HOXA13: variants seen among roughly 807,000 people sequenced by gnomAD.
HOXA13 encodes homeobox A13.
HOXA13 carries 5 observed loss-of-function variants against 25.7 expected under a neutral mutation model. The observed-to-expected ratio is 0.19, with a 90% CI of 0.10 to 0.41. HOXA13 has a LOEUF of 0.41. HOXA13 is among the 10% of genes least tolerant of loss of function. The probability of loss-of-function intolerance (pLI) is 1.00; values close to 1 mark genes in which losing one functional copy is unlikely to be tolerated. For missense variants in HOXA13, 557 were observed against 533.5 expected, an observed-to-expected ratio of 1.04 and a Z score of -0.43; for synonymous variants, 284 against 241.1, an observed-to-expected ratio of 1.18 and a Z score of -1.65.
In HOXA13 at chr7:27,199,333, A is replaced by G; in HGVS notation, c.745T>C (p.Tyr249His). Residue 249 changes from tyrosine to histidine, a missense_variant, in exon 1 of 2, where the codon TAC becomes CAC. Transcript: ENST00000649031. ...PYHHHQPMPG[Y>H]LDMPVVPGLG... The stretch of plus-strand genomic sequence containing the variant: ...CCCGGCACCACTGGCATATCCAGGT[A>G]GCCAGGCATGGGCTGATGGTGGTGG... 1 of 1,614,106 alleles carries G rather than the reference A, an allele frequency of 6.2e-7. No homozygotes were observed. Among genetic ancestry groups the G allele is most frequent in the Non-Finnish European group, 8.5e-7 (1 of 1,179,996 alleles).
Position 27,196,421 on chromosome 7 carries a change from T to C in HOXA13, c.*1777A>G, listed in dbSNP as rs1784004583. ...ATCCAGCTAAGGCCAATTCATGAGC[T>C]GTCAAAAGTCAAGGTCACAAATTGT... is the stretch of plus-strand genomic sequence containing the variant. On this transcript the variant is annotated 3_prime_UTR_variant, in exon 2 of 2. Transcript: ENST00000649031. The C allele has an allele frequency of 6.6e-6, 1 of 152,216 alleles. No individual in the cohort carries two copies. Among genetic ancestry groups the C allele is most frequent in the Non-Finnish European group, 1.5e-5 (1 of 68,052 alleles). 9.4% of individuals were successfully genotyped at this position (152,216 alleles called of 1,614,324 possible).
chr7:27,199,775 G>T lies in HOXA13; in HGVS notation c.303C>A (p.Ala101=). The T allele has an allele frequency of 2.0e-6, 2 of 1,019,288 alleles. No individual in the cohort carries two copies. The highest frequency in any genetic ancestry group is 2.4e-6 in the Non-Finnish European group (2 of 845,906). 63.1% of individuals were successfully genotyped at this position (1,019,288 alleles called of 1,614,324 possible). A position where few individuals can be genotyped will look rare whatever the true frequency, so the allele number is the denominator to read the frequency against. Residue 101 remains alanine, a synonymous_variant, in exon 1 of 2, where the codon GCC becomes GCA. Coordinates refer to ENST00000649031, the MANE Select transcript of HOXA13 (RefSeq NM_000522.5). ...MAHPAPLAPG[A]ASAYSSAPGE... Reference sequence around the variant, plus strand: ...CGGGGGCGCTGCTGTAGGCGGACGCGGCTCCTGGCGCCAAGGGCGCCGGGT... The same window carrying T: ...CGGGGGCGCTGCTGTAGGCGGACGCTGCTCCTGGCGCCAAGGGCGCCGGGT...
In HOXA13 at chr7:27,197,138, A is replaced by C. The variant is rs1325483346; in HGVS notation, c.*1060T>G. The C allele has an allele frequency of 9.6e-6, 2 of 207,832 alleles. No individual in the cohort carries two copies. Among genetic ancestry groups the C allele is most frequent in the Non-Finnish European group, 2.0e-5 (2 of 101,872 alleles). The allele number at this position is 207,832 out of a possible 1,614,324, so 12.9% of individuals were successfully genotyped here. A position where few individuals can be genotyped will look rare whatever the true frequency, so the allele number is the denominator to read the frequency against. On this transcript the variant is annotated 3_prime_UTR_variant, in exon 2 of 2. Coordinates refer to ENST00000649031, the MANE Select transcript of HOXA13 (RefSeq NM_000522.5). ...AATCTTTCTAATGCACTCTGATAAC[A>C]CAATAAACATGGAAAAATACTAATC...
rs368768374 is a variant in HOXA13, at chr7:27,197,791, C to T, written c.*407G>A. 4.1e-5 allele frequency: 13 copies of T among 314,416 alleles called. No individual in the cohort carries two copies. The highest frequency in any genetic ancestry group is 2.6e-4 in the African/African-American group (12 of 46,356). 19.5% of individuals were successfully genotyped at this position (314,416 alleles called of 1,614,324 possible). A position where few individuals can be genotyped will look rare whatever the true frequency, so the allele number is the denominator to read the frequency against. ...AAAGGGAATGGCGACCTAAGAAGGACAAGCAGATGTTTACAATGGCCTCTT... is the reference window on the plus strand; with the variant it reads ...AAAGGGAATGGCGACCTAAGAAGGATAAGCAGATGTTTACAATGGCCTCTT... On this transcript the variant is annotated 3_prime_UTR_variant, in exon 2 of 2. Transcript: ENST00000649031.
Position 27,199,825 on chromosome 7 carries a change from T to TGGCCGC in HOXA13, c.247_252dup (p.Ala83_Ala84dup). The TGGCCGC allele has an allele frequency of 1.0e-6, 1 of 987,008 alleles. No homozygotes were observed. 61.1% of individuals were successfully genotyped at this position (987,008 alleles called of 1,614,324 possible). A position where few individuals can be genotyped will look rare whatever the true frequency, so the allele number is the denominator to read the frequency against. On this transcript the variant is annotated inframe_insertion, in exon 1 of 2. Transcript: ENST00000649031. ...TGCGCCATCAGGTTGCGGCACTGGTTGGCCGCGGCCGCCGCCGCAGCCGCG... is the reference window on the plus strand; with the variant it reads ...TGCGCCATCAGGTTGCGGCACTGGTTGGCCGCGGCCGCGGCCGCCGCCGCAGCCGCG...
Position 27,200,051 on chromosome 7 carries a change from G to A in HOXA13, c.27C>T (p.Pro9=). 4 of 1,478,884 alleles carry A rather than the reference G, an allele frequency of 2.7e-6. No homozygotes were observed. The highest frequency in any genetic ancestry group is 3.6e-6 in the Non-Finnish European group (4 of 1,098,972). The allele number at this position is 1,478,884 out of a possible 1,614,324, so 91.6% of individuals were successfully genotyped here. The change falls in exon 1 of 2, where the codon CCC becomes CCT. Residue 9 remains proline (P), a synonymous_variant. Coordinates refer to ENST00000649031, the MANE Select transcript of HOXA13 (RefSeq NM_000522.5). The part of the protein sequence containing the change: MTASVLLH[P]RWIEPTVMFL... ...ACATGACGGTGGGCTCGATCCAGCGGGGGTGGAGGAGCACGGAGGCTGTCA... is the reference window on the plus strand; with the variant it reads ...ACATGACGGTGGGCTCGATCCAGCGAGGGTGGAGGAGCACGGAGGCTGTCA...
intron 1 of HOXA13, chr7:27,198,714 C>A (rs540841405): frequency 1.1e-5 from 6 of 560,068 alleles, no homozygotes; most frequent in Non-Finnish European, 3.2e-6. Context: ...CCTGGTCCAA[C>A]GGCCCACACC....
intron 1 of HOXA13, 80 bp from the exon 2 acceptor site, chr7:27,198,522 C>T: frequency 1.9e-6 from 3 of 1,580,434 alleles, no homozygotes; most frequent in African/African-American, 1.3e-5. Context: ...TCTGAGCCAC[C>T]CGCCTTGCAG....
rs1425559736 is a variant in HOXA13 at position 27,194,985 on chromosome 7, T to C, written c.*3213A>G. ...CAGCTTTGAGGGGATTTTCCACCAC[T>C]TTAAACATTTTGGGAGAAAGTTGTT... On this transcript the variant is annotated 3_prime_UTR_variant, in exon 2 of 2. Coordinates refer to ENST00000649031, the MANE Select transcript of HOXA13 (RefSeq NM_000522.5). 6.6e-6 allele frequency: 1 copy of C among 152,212 alleles called. No homozygotes were observed. Among genetic ancestry groups the C allele is most frequent in the Non-Finnish European group, 1.5e-5 (1 of 68,032 alleles). The allele number at this position is 152,212 out of a possible 1,614,324, so 9.4% of individuals were successfully genotyped here.
At position 27,199,406 on chromosome 7, in the gene HOXA13, G is replaced by C; in HGVS notation, c.672C>G (p.Arg224=). 1.2e-6 allele frequency: 2 copies of C among 1,614,056 alleles called. No individual in the cohort carries two copies. Among genetic ancestry groups the C allele is most frequent in the Non-Finnish European group, 1.7e-6 (2 of 1,179,978 alleles). The change falls in exon 1 of 2, where the codon CGC becomes CGG. Residue 224 remains arginine, a synonymous_variant. Transcript: ENST00000649031. Reference sequence around the variant, plus strand: ...GGTGGTAGAAGGCGAACTCCTTAGCGCGGGAGCTGAACTCCTCGGCAGCTG... The same window carrying C: ...GGTGGTAGAAGGCGAACTCCTTAGCCCGGGAGCTGAACTCCTCGGCAGCTG... ...AGPAAEEFSS[R]AKEFAFYHQG...
chr7:27,198,238 T>C lies in HOXA13; in HGVS notation c.1127A>G (p.Lys376Arg), dbSNP rs2115471098. The change falls in exon 2 of 2, where the codon AAA becomes AGA. Residue 376 changes from lysine (K) to arginine (R), a missense_variant. Physicochemically the swap from Lys to Arg is conservative, Grantham distance 26. Transcript: ENST00000649031. Reference protein sequence around the residue: ...VTIWFQNRRVKEKKVINKLKT... With the variant: ...VTIWFQNRRVREKKVINKLKT... ...CAGTTTGTTGATGACTTTTTTCTCT[T>C]TAACCCTCCTGTTCTGGAACCAGAT... is the stretch of plus-strand genomic sequence containing the variant. The C allele has an allele frequency of 6.2e-7, 1 of 1,614,232 alleles. No individual in the cohort carries two copies.
intron 1 of HOXA13, 111 bp from the exon 2 acceptor site, chr7:27,198,553 C>T: frequency 1.5e-6 from 2 of 1,295,476 alleles, no homozygotes; most frequent in Non-Finnish European, 1.1e-6. Context: ...CTCTTTGCCA[C>T]CCGCTGTACA....
chr7:27,195,898 G>A lies in HOXA13; in HGVS notation c.*2300C>T, dbSNP rs1202957346. 6.6e-6 allele frequency: 1 copy of A among 152,224 alleles called. No homozygotes were observed. Among genetic ancestry groups the A allele is most frequent in the Non-Finnish European group, 1.5e-5 (1 of 68,048 alleles). 9.4% of individuals were successfully genotyped at this position (152,224 alleles called of 1,614,324 possible). On this transcript the variant is annotated 3_prime_UTR_variant, in exon 2 of 2. Transcript: ENST00000649031. ...CTAATTACAGTGTGAGACCACCCTG[G>A]AGGGTGAGGACCAGGAAGGAATGGT...
In HOXA13 at chr7:27,199,709, A is replaced by T. The variant is rs939545361; in HGVS notation, c.369T>A (p.Ala123=). 5 of 1,019,870 alleles carry T rather than the reference A, an allele frequency of 4.9e-6. No homozygotes were observed. Among genetic ancestry groups the T allele is most frequent in the Non-Finnish European group, 5.8e-6 (5 of 855,878 alleles). 63.2% of individuals were successfully genotyped at this position (1,019,870 alleles called of 1,614,324 possible). Residue 123 remains alanine (A), a synonymous_variant, in exon 1 of 2, where the codon GCT becomes GCA. Transcript: ENST00000649031. ...PPSAAAAAAA[A]AAAAAAAAAA... is the part of the protein sequence containing the mutation. ...CGGCGGCGGCGGCGGCTGCAGCGGCAGCCGCGGCAGCAGCGGCGGCAGCCG... is the reference window on the plus strand; with the variant it reads ...CGGCGGCGGCGGCGGCTGCAGCGGCTGCCGCGGCAGCAGCGGCGGCAGCCG...
rs920593760 is a variant in HOXA13 at position 27,199,566 on chromosome 7, T to C, written c.512A>G (p.Tyr171Cys). 2.6e-6 allele frequency: 4 copies of C among 1,552,228 alleles called. No homozygotes were observed. Among genetic ancestry groups the C allele is most frequent in the East Asian group, 2.4e-5 (1 of 41,630 alleles). The change falls in exon 1 of 2, where the codon TAT (tyrosine) becomes TGT (cysteine). Residue 171 changes from tyrosine (Y) to cysteine (C), a missense_variant. Coordinates refer to ENST00000649031, the MANE Select transcript of HOXA13 (RefSeq NM_000522.5). ...GTAGTAGCCGCTGCCGAAGTAGCCA[T>C]AGGGCAGCGCCGCGGGCCCCGACGA... ...QSSSGPAALP[Y>C]GYFGSGYYPC...
Position 27,199,136 on chromosome 7 carries a change from G to C in HOXA13, c.922+20C>G. On this transcript the variant is annotated intron_variant, in intron 1 of 1. Transcript: ENST00000649031. Reference sequence around the variant, plus strand: ...GGAGCAGAGCCGGAAGACCAGGGCTGGGAATAGGTCGTCATTTACCGGGCA... The same window carrying C: ...GGAGCAGAGCCGGAAGACCAGGGCTCGGAATAGGTCGTCATTTACCGGGCA... The C allele has an allele frequency of 6.2e-7, 1 of 1,603,788 alleles. No individual in the cohort carries two copies. Among genetic ancestry groups the C allele is most frequent in the Non-Finnish European group, 8.5e-7 (1 of 1,177,630 alleles).
At position 27,196,703 on chromosome 7, in the gene HOXA13, T is replaced by G. The variant is rs1252019452; in HGVS notation, c.*1495A>C. Reference sequence around the variant, plus strand: ...AATCTCCTTGAAGCACTTATCATTTTTTAGGATTTTAGTTATGAGGGATTT... The same window carrying G: ...AATCTCCTTGAAGCACTTATCATTTGTTAGGATTTTAGTTATGAGGGATTT... On this transcript the variant is annotated 3_prime_UTR_variant, in exon 2 of 2. Transcript: ENST00000649031. The G allele has an allele frequency of 6.5e-6, 1 of 154,896 alleles. No homozygotes were observed. Among genetic ancestry groups the G allele is most frequent in the African/African-American group, 2.4e-5 (1 of 41,562 alleles). The allele number at this position is 154,896 out of a possible 1,614,324, so 9.6% of individuals were successfully genotyped here. A position where few individuals can be genotyped will look rare whatever the true frequency, so the allele number is the denominator to read the frequency against.
chr7:27,195,206 G>A lies in HOXA13; in HGVS notation c.*2992C>T, dbSNP rs1562519489. 3 of 152,216 alleles carry A rather than the reference G, an allele frequency of 2.0e-5. No homozygotes were observed. The East Asian group carries it at 5.8e-4, about 29-fold the overall frequency. 9.4% of individuals were successfully genotyped at this position (152,216 alleles called of 1,614,324 possible). On this transcript the variant is annotated 3_prime_UTR_variant, in exon 2 of 2. Transcript: ENST00000649031. The stretch of plus-strand genomic sequence containing the variant: ...CCAGCCTGTTTTTGAGACAGCTTTA[G>A]AGACTCTTTCGTAATTCTCATCTAT...
In HOXA13 at chr7:27,197,055, C is replaced by T. The variant is rs1300418688; in HGVS notation, c.*1143G>A. 9.8e-6 allele frequency: 2 copies of T among 203,248 alleles called. No individual in the cohort carries two copies. The highest frequency in any genetic ancestry group is 7.6e-5 in the East Asian group (1 of 13,134). 12.6% of individuals were successfully genotyped at this position (203,248 alleles called of 1,614,324 possible). On this transcript the variant is annotated 3_prime_UTR_variant, in exon 2 of 2. Transcript: ENST00000649031. ...CATTCTATAGTGAATATGAACAAAA[C>T]GAATGTGCTGGTTGAAATAACTGCT... is the stretch of plus-strand genomic sequence containing the variant.
Sources: gnomAD v4.1 joint callset for allele counts on GRCh38, gnomAD v4.1.1 for gene constraint, MANE v1.5 for transcripts, NCBI Gene and HGNC (gene_info 2026-07-23, HGNC 2026-07-21) for gene names.